The following CARMIL1 variants were observed in gnomAD, a reference collection of about 807,000 sequenced individuals.
CARMIL1 encodes the protein F-actin-uncapping protein LRRC16A.
CARMIL1 carries 90 observed loss-of-function variants against 177.1 expected under a neutral mutation model. That is an observed-to-expected ratio of 0.51 (90% CI 0.43 to 0.61). The LOEUF (loss-of-function observed/expected upper bound fraction) is 0.61. Ranked by LOEUF, CARMIL1 falls within the 20% of genes least tolerant of loss-of-function variation. The probability of loss-of-function intolerance (pLI) is 0.00; values close to 1 mark genes in which losing one functional copy is unlikely to be tolerated. For synonymous variants in CARMIL1, 577 were observed against 606.2 expected (o/e 0.95, Z 0.71); for missense variants, 1,380 against 1,667.0 (o/e 0.83, Z 3.00).
intron 5 of CARMIL1, among the ~76,000 whole-genome samples, chr6:25,442,520 A>G (rs1797869207): frequency 6.6e-6 from 1 of 151,656 alleles, no homozygotes; most frequent in Non-Finnish European, 1.5e-5. Flanking sequence ...TAACAAATAC[A>G]CTGATGGGGC....
chr6:25,542,664 T>C (rs552553391), intron 26 of CARMIL1, among the ~76,000 whole-genome samples: 1 of 152,282 alleles, frequency 6.6e-6, no homozygotes, highest in East Asian at 1.9e-4. Flanking sequence ...AATCCTCAAC[T>C]AAAACGTCTT....
intron 2 of CARMIL1, chr6:25,389,129 C>T (rs1792486373): frequency 1.3e-5 from 2 of 152,228 alleles, no homozygotes; most frequent in Non-Finnish European, 2.9e-5. Context: ...CAAACATTTC[C>T]AAGTGCCTGG....
Position 25,491,994 on chromosome 6 carries a change from T to A in CARMIL1, c.1190T>A (p.Leu397His), listed in dbSNP as rs1376437504. 5 of 1,613,832 alleles carry A rather than the reference T, an allele frequency of 3.1e-6. No homozygotes were observed. Among genetic ancestry groups the A allele is most frequent in the Non-Finnish European group, 4.2e-6 (5 of 1,179,780 alleles). Residue 397 changes from leucine to histidine, a missense_variant, in exon 15 of 37, where the codon CTC becomes CAC. Physicochemically the swap from Leu to His is moderately conservative, Grantham distance 99 (BLOSUM62 -3). Coordinates refer to ENST00000329474, the MANE Select transcript of CARMIL1 (RefSeq NM_017640.6). ...GGATGCCTTCAATATTTAGCTGTGC[T>A]CAACCTCTCCAGAACTGTCTTCTCT... is the stretch of plus-strand genomic sequence containing the variant. ...LRGCLQYLAVLNLSRTVFSHR... is the reference protein window; with the variant it reads ...LRGCLQYLAVHNLSRTVFSHR...
intron 31 of CARMIL1, among the ~76,000 whole-genome samples, chr6:25,587,271 A>G (rs1220242669): frequency 6.6e-6 from 1 of 152,196 alleles, no homozygotes. Context: ...TAATTTAAGT[A>G]GATAAAAGAA....
At chr6:25,590,828 G>T (rs746946199) in intron 31 of CARMIL1, among the ~76,000 whole-genome samples, 189 of 151,944 alleles carry the variant, frequency 1.2e-3, no homozygotes, top group Middle Eastern at 3.4e-3. Flanking sequence ...ATATAGCTAT[G>T]TCCCCTTTTC....
At chr6:25,426,597 C>A (rs1204448778) in intron 4 of CARMIL1, 37 bp downstream of exon 4, 11 of 1,571,836 alleles carry the variant, frequency 7.0e-6, no homozygotes, top group Non-Finnish European at 8.7e-6. Context: ...AGATCATGAT[C>A]TTTCTTGAAT....
intron 19 of CARMIL1, 29 bp from the exon 20 acceptor site, chr6:25,510,679 C>A: frequency 1.3e-6 from 2 of 1,520,838 alleles, no homozygotes; most frequent in East Asian, 2.4e-5. Context: ...GATTTGATTC[C>A]ACTGTCCACA....
chr6:25,340,777 G>GTTTTTTTTTTTTTT lies in CARMIL1; in HGVS notation c.138+55882_138+55895dup, dbSNP rs34928775. On this transcript the variant is annotated intron_variant, in intron 2 of 36. Coordinates refer to ENST00000329474, the MANE Select transcript of CARMIL1 (RefSeq NM_017640.6). ...AAGCTGGAGAAGGCTGTCAATGAAG[G>GTTTTTTTTTTTTTT]TTTTTTTTTTTTTTTTTTTTTTTTT... Among the ~76,000 whole-genome samples, 52 of 86,154 alleles carry GTTTTTTTTTTTTTT rather than the reference G, an allele frequency of 6.0e-4. 4 individuals carry two copies. Among genetic ancestry groups the GTTTTTTTTTTTTTT allele is most frequent in the Non-Finnish European group, 9.6e-4 (42 of 43,718 alleles). The allele number at this position is 86,154 out of a possible 152,430, so 56.5% of individuals were successfully genotyped here.
intron 2 of CARMIL1, among the ~76,000 whole-genome samples, chr6:25,357,972 G>A (rs1451426419): frequency 1.3e-5 from 2 of 152,220 alleles, no homozygotes; most frequent in Non-Finnish European, 2.9e-5. Flanking sequence ...TTATAACTGA[G>A]CTGGCTGTGA....
intron 26 of CARMIL1, among the ~76,000 whole-genome samples, chr6:25,548,927 T>G (rs1562274799): frequency 6.6e-6 from 1 of 152,172 alleles, no homozygotes; most frequent in Non-Finnish European, 1.5e-5. Context: ...CCTACAGAGT[T>G]GTCATGTGGA....
chr6:25,462,996 C>T (rs1295659000), intron 8 of CARMIL1, among the ~76,000 whole-genome samples: 1 of 152,072 alleles, frequency 6.6e-6, no homozygotes, highest in Non-Finnish European at 1.5e-5. Context: ...GGCATTAACA[C>T]AATTTAGAGA....
At chr6:25,327,039 C>T (rs1443786435) in intron 2 of CARMIL1, among the ~76,000 whole-genome samples, 1 of 152,066 alleles carries the variant, frequency 6.6e-6, no homozygotes, top group Non-Finnish European at 1.5e-5. Context: ...AATGAGCGTA[C>T]AGTCCAGAGG....
intron 8 of CARMIL1, among the ~76,000 whole-genome samples, chr6:25,459,357 G>T (rs1799942805): frequency 6.8e-6 from 1 of 147,318 alleles, no homozygotes; most frequent in East Asian, 2.0e-4. Context: ...CTCAGTAGCT[G>T]GGACTACAGG....
intron 2 of CARMIL1, among the ~76,000 whole-genome samples, chr6:25,397,105 C>T (rs1216017796): frequency 6.6e-6 from 1 of 152,118 alleles, no homozygotes; most frequent in African/African-American, 2.4e-5. Context: ...ACTGTCCTGC[C>T]CTCAGGGGGC....
chr6:25,370,526 A>G (rs544444423), intron 2 of CARMIL1, among the ~76,000 whole-genome samples: 1 of 152,310 alleles, frequency 6.6e-6, no homozygotes, highest in East Asian at 1.9e-4. Context: ...GTCTGCCATG[A>G]TGTGCTTGCT....
rs1441157061 is a variant in CARMIL1 at position 25,610,144 on chromosome 6, T to C, written c.3942T>C (p.Ser1314=). 2 of 1,613,622 alleles carry C rather than the reference T, an allele frequency of 1.2e-6. No homozygotes were observed. Among genetic ancestry groups the C allele is most frequent in the Non-Finnish European group, 1.7e-6 (2 of 1,179,836 alleles). ...CAGACAAAGAGAGAGATGGCCAGAG[T>C]AGCCCCCAGCCCAGCCCCAGGACAT... ...VPSDKERDGQ[S]SPQPSPRTFS... is the part of the protein sequence containing the mutation. Residue 1314 remains serine, a synonymous_variant, in exon 36 of 37, where the codon AGT becomes AGC. Transcript: ENST00000329474.
chr6:25,392,219 G>A (rs1792927623), intron 2 of CARMIL1, among the ~76,000 whole-genome samples: 1 of 152,004 alleles, frequency 6.6e-6, no homozygotes, highest in African/African-American at 2.4e-5. Flanking sequence ...ATTGCAGTTG[G>A]ACAGGACTTT....
intron 2 of CARMIL1, among the ~76,000 whole-genome samples, chr6:25,336,496 C>T (rs935349551): frequency 5.3e-5 from 8 of 152,196 alleles, no homozygotes; most frequent in Non-Finnish European, 1.0e-4. Context: ...AGCTGTGTGA[C>T]GTTGGACAAG....
At chr6:25,581,089 A>T in intron 30 of CARMIL1, 99 bp downstream of exon 30, 6 of 1,292,444 alleles carry the variant, frequency 4.6e-6, no homozygotes, top group Non-Finnish European at 5.4e-6. Context: ...GATGCACTAC[A>T]TGGGTAAATA....
Sources: gnomAD v4.1 joint callset for allele counts (sites outside exome capture counted in the v4.1 genomes callset) on GRCh38, gnomAD v4.1.1 for gene constraint, MANE v1.5 for transcripts, NCBI Gene and HGNC (gene_info 2026-07-23, HGNC 2026-07-21) for gene names.